Variants in NSD1 observed in about 807,000 individuals in gnomAD.
NSD1 encodes nuclear receptor binding SET domain protein 1.
A neutral mutation model predicts 242.7 loss-of-function variants in NSD1; 26 were observed. The observed-to-expected ratio is 0.11, with a 90% CI of 0.08 to 0.15. NSD1 has a LOEUF of 0.15. Ranked by LOEUF, NSD1 falls within the 10% of genes least tolerant of loss-of-function variation. NSD1 has a pLI of 1.00. For missense variants in NSD1, 2,495 were observed against 3,272.8 expected (o/e 0.76, Z 5.80); for synonymous variants, 1,106 against 1,178.1 (o/e 0.94, Z 1.25).
At chr5:177,139,444 C>CA (rs1281688922) in intron 2 of NSD1, among the ~76,000 whole-genome samples, 843 of 59,208 alleles carry the variant, frequency 0.014, 6 homozygotes, top group South Asian at 0.02. Context: ...GACTCCATCT[C>CA]AAAAAAAAAA....
intron 2 of NSD1, chr5:177,169,497 T>C: frequency 6.3e-6 from 1 of 159,880 alleles, no homozygotes; most frequent in South Asian, 1.6e-4. Flanking sequence ...CATGGCCGGC[T>C]ACTACTCCTC....
At position 177,157,596 on chromosome 5, in the gene NSD1, G is replaced by A. The variant is rs150037363; in HGVS notation, c.927+21566G>A. On this transcript the variant is annotated intron_variant, in intron 2 of 22. Coordinates refer to ENST00000439151, the MANE Select transcript of NSD1 (RefSeq NM_022455.5). ...CACCTGTAATCCACCTACTCAGGACGCTGAGTCTGCACTCAGTCCCTGGGC... is the reference window on the plus strand; with the variant it reads ...CACCTGTAATCCACCTACTCAGGACACTGAGTCTGCACTCAGTCCCTGGGC... Among the ~76,000 whole-genome samples, 14 of 152,218 alleles carry A rather than the reference G, an allele frequency of 9.2e-5. No homozygotes were observed. The East Asian group carries it at 1.9e-3, about 21-fold the overall frequency.
At chr5:177,136,207 T>C in intron 2 of NSD1, 177 bp downstream of exon 2, 2 of 603,286 alleles carry the variant, frequency 3.3e-6, no homozygotes, top group South Asian at 4.0e-5. Flanking sequence ...ATCTCTGTTG[T>C]ATGAATTTGG....
At chr5:177,270,235 AC>A (rs1231699607) in intron 16 of NSD1, among the ~76,000 whole-genome samples, 3 of 152,208 alleles carry the variant, frequency 2.0e-5, no homozygotes, top group Non-Finnish European at 2.9e-5. Context: ...TGTAGAACAA[AC>A]TAGTAAAGGT....
rs1343874575 is a variant in NSD1, at chr5:177,204,198, A to C, written c.1142A>C (p.Lys381Thr). 2.5e-6 allele frequency: 4 copies of C among 1,614,190 alleles called. No individual in the cohort carries two copies. The South Asian group carries it at 3.3e-5, about 13-fold the overall frequency. The change falls in exon 4 of 23, where the codon AAA (lysine) becomes ACA (threonine). Residue 381 changes from lysine to threonine, a missense_variant. Physicochemically the swap from Lys to Thr is moderately conservative, Grantham distance 78. Coordinates refer to ENST00000439151, the MANE Select transcript of NSD1 (RefSeq NM_022455.5). ...DPSERAWVAGKAIVMFEGRHQ... is the reference protein window; with the variant it reads ...DPSERAWVAGTAIVMFEGRHQ... ...TCTGAGAGAGCCTGGGTGGCTGGAA[A>C]AGCAATCGTCATGTTTGAAGGCAGA... is the stretch of plus-strand genomic sequence containing the variant.
intron 2 of NSD1, among the ~76,000 whole-genome samples, chr5:177,162,214 C>A (rs1387473542): frequency 1.3e-5 from 2 of 151,702 alleles, no homozygotes; most frequent in Non-Finnish European, 1.5e-5. Context: ...ATGAGAATTG[C>A]TTCAACCCGG....
At chr5:177,213,463 GT>G (rs927199404) in intron 5 of NSD1, among the ~76,000 whole-genome samples, 3 of 151,146 alleles carry the variant, frequency 2.0e-5, no homozygotes, top group Admixed American at 6.6e-5. Context: ...CTGCCTTCAG[GT>G]TTTTTTTTCT....
At chr5:177,282,388 A>AT (rs1758962499) in intron 18 of NSD1, 77 bp from the exon 19 acceptor site, 1 of 919,242 alleles carries the variant, frequency 1.1e-6, no homozygotes, top group East Asian at 2.4e-5. Context: ...GTTTTCATTA[A>AT]TTTTTTAAAA....
chr5:177,155,561 CTTTTTTT>C (rs58025377), intron 2 of NSD1, among the ~76,000 whole-genome samples: 44 of 96,612 alleles, frequency 4.6e-4, no homozygotes, highest in African/African-American at 1.1e-3. Flanking sequence ...ACCGCACTGG[CTTTTTTT>C]TTTTTTTTTT....
intron 2 of NSD1, among the ~76,000 whole-genome samples, chr5:177,162,333 G>T (rs949458888): frequency 2.4e-4 from 36 of 151,948 alleles, no homozygotes; most frequent in African/African-American, 8.4e-4. Context: ...AAATGTCATC[G>T]GGTCTTTCCA....
chr5:177,297,685 G>A lies in NSD1; in HGVS notation c.*2226G>A. 4.3e-6 allele frequency: 1 copy of A among 231,532 alleles called. No individual in the cohort carries two copies. Among genetic ancestry groups the A allele is most frequent in the Non-Finnish European group, 8.5e-6 (1 of 117,420 alleles). 14.3% of individuals were successfully genotyped at this position (231,532 alleles called of 1,614,324 possible). ...GGGGGGGGCGGGGGGAGGGCGTGCA[G>A]GCCATGTAAAAATTTTCCGTGGAGA... On this transcript the variant is annotated 3_prime_UTR_variant, in exon 23 of 23. Coordinates refer to ENST00000439151, the MANE Select transcript of NSD1 (RefSeq NM_022455.5).
chr5:177,229,164 T>TATTC (rs1463759170), intron 5 of NSD1, among the ~76,000 whole-genome samples: 1 of 152,250 alleles, frequency 6.6e-6, no homozygotes, highest in Non-Finnish European at 1.5e-5. Flanking sequence ...TAATTTTATT[T>TATTC]ATTCATTCAT....
intron 4 of NSD1, among the ~76,000 whole-genome samples, chr5:177,208,357 C>T (rs1763060742): frequency 6.6e-6 from 1 of 152,036 alleles, no homozygotes; most frequent in Admixed American, 6.6e-5. Context: ...CATTTATAGT[C>T]GATTCTTGAT....
At chr5:177,202,620 C>G (rs1235153645) in intron 3 of NSD1, among the ~76,000 whole-genome samples, 1 of 152,118 alleles carries the variant, frequency 6.6e-6, no homozygotes, top group Non-Finnish European at 1.5e-5. Context: ...CTCAAGCAGT[C>G]CTCCCACTTC....
At chr5:177,144,912 C>T (rs547017673) in intron 2 of NSD1, among the ~76,000 whole-genome samples, 1 of 151,848 alleles carries the variant, frequency 6.6e-6, no homozygotes, top group African/African-American at 2.4e-5. Context: ...GAAACCCTGT[C>T]TCTACTGAAA....
At chr5:177,214,720 T>C (rs1201155554) in intron 5 of NSD1, among the ~76,000 whole-genome samples, 1 of 148,714 alleles carries the variant, frequency 6.7e-6, no homozygotes, top group African/African-American at 2.5e-5. Context: ...CAGGCTGGAG[T>C]GCAGTGGCGT....
chr5:177,144,117 G>A (rs1757043599), intron 2 of NSD1, among the ~76,000 whole-genome samples: 1 of 152,140 alleles, frequency 6.6e-6, no homozygotes, highest in African/African-American at 2.4e-5. Flanking sequence ...GTAATACACT[G>A]CTGGTTCTGA....
In NSD1 at chr5:177,158,285, CTTTCTTTCTTTCTTTCT is replaced by C. The variant is rs1247281929; in HGVS notation, c.927+22267_927+22283del. 2.6e-3 allele frequency among the ~76,000 whole-genome samples: 238 copies of C among 90,784 alleles called. 2 individuals are homozygous for C. The highest frequency in any genetic ancestry group is 0.015 in the South Asian group (43 of 2,776). 59.6% of individuals were successfully genotyped at this position (90,784 alleles called of 152,430 possible). A position where few individuals can be genotyped will look rare whatever the true frequency, so the allele number is the denominator to read the frequency against. On this transcript the variant is annotated intron_variant, in intron 2 of 22. Coordinates refer to ENST00000439151, the MANE Select transcript of NSD1 (RefSeq NM_022455.5). Reference sequence around the variant, plus strand: ...TCTTTCTTTCTTTCTTTCTTTCTTTCTTTCTTTCTTTCTTTCTTTTCTTTCTTTTCTTTCTTTTCTTT... The same window carrying C: ...TCTTTCTTTCTTTCTTTCTTTCTTTCTTTCTTTCTTTTCTTTCTTTTCTTT...
chr5:177,266,665 A>C (rs1757502967), intron 14 of NSD1: 3 of 356,018 alleles, frequency 8.4e-6, no homozygotes, highest in Admixed American at 4.6e-5. Context: ...GAGGTGAAAG[A>C]AGCACAGTGA....
Sources: allele counts gnomAD v4.1 joint callset (sites outside exome capture counted in the v4.1 genomes callset), GRCh38; gene constraint gnomAD v4.1.1; transcripts MANE v1.5; gene names NCBI Gene and HGNC (gene_info 2026-07-23, HGNC 2026-07-21).